ROBO1: variants seen among roughly 807,000 people sequenced by gnomAD.
The protein encoded by ROBO1 is roundabout guidance receptor 1.
In ROBO1, 149 loss-of-function variants were observed where a neutral mutation model predicts 195.9. The observed-to-expected ratio is 0.76, with a 90% CI of 0.67 to 0.87. ROBO1 has a LOEUF of 0.87. ROBO1 is among the 40% of genes least tolerant of loss of function. ROBO1 has a pLI of 0.00. For synonymous variants in ROBO1, 816 were observed against 733.2 expected (o/e 1.11, Z -1.82); for missense variants, 1,933 against 2,068.3 (o/e 0.93, Z 1.27).
intron 8 of ROBO1, among the ~76,000 whole-genome samples, chr3:78,712,704 T>C (rs888066282): frequency 1.2e-4 from 19 of 152,200 alleles, no homozygotes; most frequent in Admixed American, 1.2e-3. Flanking sequence ...ATTTGATCAT[T>C]AGTGCCAATT....
chr3:79,272,948 G>A (rs953659489), intron 2 of ROBO1, among the ~76,000 whole-genome samples: 1 of 152,076 alleles, frequency 6.6e-6, no homozygotes, highest in African/African-American at 2.4e-5. Context: ...GGGGAGAATG[G>A]AATGACATGT....
intron 4 of ROBO1, among the ~76,000 whole-genome samples, chr3:78,857,257 A>T (rs1183335701): frequency 2.0e-5 from 3 of 152,306 alleles, no homozygotes; most frequent in African/African-American, 7.2e-5. Context: ...CTCATAGGCA[A>T]GTTTCATTTT....
intron 8 of ROBO1, among the ~76,000 whole-genome samples, chr3:78,705,412 T>G (rs777165945): frequency 3.3e-5 from 5 of 152,242 alleles, no homozygotes; most frequent in Non-Finnish European, 5.9e-5. Context: ...CTGACGGATA[T>G]TTGTATTACA....
At chr3:79,718,103 A>C (rs1560128077) in intron 1 of ROBO1, among the ~76,000 whole-genome samples, 1 of 152,014 alleles carries the variant, frequency 6.6e-6, no homozygotes, top group Non-Finnish European at 1.5e-5. Flanking sequence ...GGATAATATT[A>C]ACAACAAACT....
Position 78,746,845 on chromosome 3 carries a change from C to T in ROBO1, c.555G>A (p.Glu185=), listed in dbSNP as rs1261406869. The T allele has an allele frequency of 6.3e-6, 10 of 1,596,886 alleles. No individual in the cohort carries two copies. Among genetic ancestry groups the T allele is most frequent in the Non-Finnish European group, 8.6e-6 (10 of 1,168,072 alleles). The part of the protein sequence containing the change: ...NPSDVMVAVG[E]PAVMECQPPR... ...GAGGTTGGCATTCCATTACTGCAGGCTCTCCTACTGCAACCATGACATCCG... is the reference window on the plus strand; with the variant it reads ...GAGGTTGGCATTCCATTACTGCAGGTTCTCCTACTGCAACCATGACATCCG... Residue 185 remains glutamate (E), a synonymous_variant, in exon 5 of 31, where the codon GAG becomes GAA. Transcript: ENST00000464233.
At chr3:78,944,924 C>T (rs1388422256) in intron 3 of ROBO1, among the ~76,000 whole-genome samples, 2 of 152,182 alleles carry the variant, frequency 1.3e-5, no homozygotes, top group African/African-American at 4.8e-5. Flanking sequence ...GCTAGCACAG[C>T]AGTCCCAGAT....
chr3:79,525,165 A>C, intron 2 of ROBO1, among the ~76,000 whole-genome samples: 1 of 151,450 alleles, frequency 6.6e-6, no homozygotes. Context: ...AAAAAATTGG[A>C]GAAAGCTATA....
intron 4 of ROBO1, among the ~76,000 whole-genome samples, chr3:78,808,270 T>C (rs561330663): frequency 5.5e-4 from 84 of 152,278 alleles, no homozygotes; most frequent in African/African-American, 2.0e-3. Flanking sequence ...GGTGGTGCAA[T>C]CTCGGCTCAC....
rs1321400135 is a variant in ROBO1 at position 79,157,614 on chromosome 3, G to A, written c.89-32075C>T. Among the ~76,000 whole-genome samples, 5 of 151,910 alleles carry A rather than the reference G, an allele frequency of 3.3e-5. No individual in the cohort carries two copies. The East Asian group carries it at 9.7e-4, about 29-fold the overall frequency. On this transcript the variant is annotated intron_variant, in intron 2 of 30. Coordinates refer to ENST00000464233, the MANE Select transcript of ROBO1 (RefSeq NM_002941.4). ...AAGAGTAAACTAGGTTCTTGGTCCA[G>A]AGTTTGAAGTGTACAATAAAAGGAA...
intron 2 of ROBO1, among the ~76,000 whole-genome samples, chr3:79,361,166 C>T (rs1025213738): frequency 6.6e-6 from 1 of 151,904 alleles, no homozygotes; most frequent in African/African-American, 2.4e-5. Flanking sequence ...GTTGTATGAC[C>T]TGAGATAAAT....
At chr3:78,720,912 G>C (rs1391938657) in intron 5 of ROBO1, among the ~76,000 whole-genome samples, 1 of 151,166 alleles carries the variant, frequency 6.6e-6, no homozygotes, top group Non-Finnish European at 1.5e-5. Flanking sequence ...CTTGGACACA[G>C]GAAGCGGAAC....
At position 79,487,670 on chromosome 3, in the gene ROBO1, C is replaced by T. The variant is rs1939233352; in HGVS notation, c.88+102154G>A. ...TTATTAAGACAGCTTTAACTCTTAGCTTTCACCTCAGCCTTTTCTTGTGTC... is the reference window on the plus strand; with the variant it reads ...TTATTAAGACAGCTTTAACTCTTAGTTTTCACCTCAGCCTTTTCTTGTGTC... On this transcript the variant is annotated intron_variant, in intron 2 of 30. Transcript: ENST00000464233. Among the ~76,000 whole-genome samples the T allele has an allele frequency of 2.6e-5, 4 of 152,160 alleles. No homozygotes were observed. In the South Asian group the frequency reaches 8.3e-4, roughly 31 times the overall value.
At chr3:79,019,389 C>T in intron 3 of ROBO1, 1 of 985,922 alleles carries the variant, frequency 1.0e-6, no homozygotes, top group Non-Finnish European at 1.2e-6. Flanking sequence ...CGCCGCGGCT[C>T]ACCCCAGCTC....
chr3:78,958,614 A>T (rs1015404009), intron 3 of ROBO1, among the ~76,000 whole-genome samples: 19 of 151,262 alleles, frequency 1.3e-4, no homozygotes, highest in Non-Finnish European at 1.8e-4. Flanking sequence ...ACTATATATT[A>T]AAAAAATCCA....
intron 4 of ROBO1, among the ~76,000 whole-genome samples, chr3:78,871,654 G>T (rs331143): frequency 0.31 from 46,167 of 148,694 alleles, 7,212 homozygotes; most frequent in Non-Finnish European, 0.34. Flanking sequence ...TGTGTGAAAA[G>T]AATGCAAGTT....
At chr3:79,488,781 C>T (rs1481381665) in intron 2 of ROBO1, among the ~76,000 whole-genome samples, 3 of 152,082 alleles carry the variant, frequency 2.0e-5, no homozygotes, top group African/African-American at 4.8e-5. Flanking sequence ...TAAAACCTGG[C>T]GCCATGTACT....
At chr3:79,438,280 C>A (rs11917079) in intron 2 of ROBO1, among the ~76,000 whole-genome samples, 1 of 151,378 alleles carries the variant, frequency 6.6e-6, no homozygotes, top group Admixed American at 6.6e-5. Flanking sequence ...CTTGATCTTG[C>A]AGGACTGTTG....
chr3:79,407,560 C>A (rs2037597223), intron 2 of ROBO1, among the ~76,000 whole-genome samples: 1 of 152,016 alleles, frequency 6.6e-6, no homozygotes, highest in South Asian at 2.1e-4. Context: ...CAATAATTTT[C>A]TTTCTGTGTT....
intron 2 of ROBO1, among the ~76,000 whole-genome samples, chr3:79,261,065 TAAAG>T (rs2082929973): frequency 6.6e-6 from 1 of 152,076 alleles, no homozygotes; most frequent in Admixed American, 6.6e-5. Context: ...AGTGATGTTA[TAAAG>T]AGTGTTTCCC....
Sources: gnomAD v4.1 joint callset for allele counts (sites outside exome capture counted in the v4.1 genomes callset) on GRCh38, gnomAD v4.1.1 for gene constraint, MANE v1.5 for transcripts, NCBI Gene and HGNC (gene_info 2026-07-23, HGNC 2026-07-21) for gene names.